USP42: variants seen among roughly 807,000 people sequenced by gnomAD.
USP42 encodes ubiquitin specific peptidase 42.
USP42 carries 23 observed loss-of-function variants against 113.0 expected under a neutral mutation model. The ratio of observed to expected loss-of-function variants is 0.20; its 90% CI spans 0.15 to 0.29. USP42 has a LOEUF of 0.29. USP42 is among the 10% of genes least tolerant of loss of function. USP42 has a pLI of 1.00. For synonymous variants in USP42, 933 were observed against 699.0 expected (o/e 1.33, Z -5.28); for missense variants, 2,174 against 1,779.8 (o/e 1.22, Z -3.99).
At chr7:6,122,601 G>T (rs1344518268) in intron 3 of USP42, among the ~76,000 whole-genome samples, 1 of 152,022 alleles carries the variant, frequency 6.6e-6, no homozygotes, top group Non-Finnish European at 1.5e-5. Context: ...CTCCTGAGTA[G>T]CTGGGATTAC....
At position 6,159,344 on chromosome 7, in the gene USP42, G is replaced by A. The variant is rs1782639650; in HGVS notation, c.3944-106G>A. 1.3e-6 allele frequency: 2 copies of A among 1,499,328 alleles called. No individual in the cohort carries two copies. The highest frequency in any genetic ancestry group is 2.4e-5 in the South Asian group (2 of 84,252). 92.9% of individuals were successfully genotyped at this position (1,499,328 alleles called of 1,614,324 possible). A position where few individuals can be genotyped will look rare whatever the true frequency, so the allele number is the denominator to read the frequency against. On this transcript the variant is annotated intron_variant, in intron 16 of 17. Coordinates refer to ENST00000306177, the MANE Select transcript of USP42 (RefSeq NM_032172.3). The surrounding 1 kb of genome is among the most constrained non-coding windows in gnomAD (Gnocchi z 4.1). ...GGGAGTGGCCTCAGGCGCTCACAGG[G>A]AACCGCAGTGACTCTGACCATAGCC...
rs775296054 is a variant in USP42 at position 6,115,542 on chromosome 7, G to C, written c.442+19G>C. 3.1e-6 allele frequency: 5 copies of C among 1,613,504 alleles called. No homozygotes were observed. The highest frequency in any genetic ancestry group is 8.5e-7 in the Non-Finnish European group (1 of 1,179,556). On this transcript the variant is annotated intron_variant, in intron 3 of 17. Coordinates refer to ENST00000306177, the MANE Select transcript of USP42 (RefSeq NM_032172.3). The stretch of plus-strand genomic sequence containing the variant: ...AAAACATGTAAGTGTTCCGTGTTGT[G>C]TTTGTAGTATTGTAGTGCGCTAACC...
At chr7:6,144,037 G>A in intron 8 of USP42, 48 bp from the exon 9 acceptor site, 1 of 1,214,266 alleles carries the variant, frequency 8.2e-7, no homozygotes, top group Non-Finnish European at 1.1e-6. Context: ...ACCACAAATT[G>A]TGTGTATATA....
the USP42 span, among the ~76,000 whole-genome samples, chr7:6,089,103 GGTGC>G: frequency 6.6e-6 from 1 of 150,582 alleles, no homozygotes; most frequent in Non-Finnish European, 1.5e-5. Context: ...GGAGTGAAGT[GGTGC>G]GATCTCTGTT....
Position 6,157,724 on chromosome 7 carries a change from G to A in USP42, c.3943+669G>A, listed in dbSNP as rs1782542458. ...GCATTCTGAGTGCACCCTGATGCTC[G>A]GTACTGATTTGCTCGCTTGGTTCCT... is the stretch of plus-strand genomic sequence containing the variant. On this transcript the variant is annotated intron_variant, in intron 16 of 17. Transcript: ENST00000306177. The surrounding 1 kb of genome is among the most constrained non-coding windows in gnomAD (Gnocchi z 4.1). 6.6e-6 allele frequency among the ~76,000 whole-genome samples: 1 copy of A among 152,198 alleles called. No individual in the cohort carries two copies. Among genetic ancestry groups the A allele is most frequent in the South Asian group, 2.1e-4 (1 of 4,824 alleles).
upstream of USP42, among the ~76,000 whole-genome samples, chr7:6,104,705 C>G (rs554690868): frequency 1.3e-5 from 2 of 152,326 alleles, no homozygotes; most frequent in Admixed American, 1.3e-4. Flanking sequence ...AGCGCGCTCC[C>G]TCTGCCGGCC....
At chr7:6,134,776 C>G (rs1232066185) in intron 3 of USP42, among the ~76,000 whole-genome samples, 1 of 152,078 alleles carries the variant, frequency 6.6e-6, no homozygotes, top group African/African-American at 2.4e-5. Context: ...AGATTATTTT[C>G]TTTTTTCTTT....
chr7:6,128,108 C>T (rs1260194044), intron 3 of USP42: 1 of 152,026 alleles, frequency 6.6e-6, no homozygotes, highest in Non-Finnish European at 1.5e-5. Context: ...CCACCATGAC[C>T]AGCTAATTTT....
At chr7:6,134,614 T>G (rs1781029051) in intron 3 of USP42, among the ~76,000 whole-genome samples, 1 of 152,174 alleles carries the variant, frequency 6.6e-6, no homozygotes, top group African/African-American at 2.4e-5. Context: ...CATTCGAGGC[T>G]GTTGAGCGGC....
Position 6,155,215 on chromosome 7 carries a change from C to T in USP42, c.3641+20C>T. 2 of 1,506,724 alleles carry T rather than the reference C, an allele frequency of 1.3e-6. No individual in the cohort carries two copies. The highest frequency in any genetic ancestry group is 1.8e-6 in the Non-Finnish European group (2 of 1,135,470). 93.3% of individuals were successfully genotyped at this position (1,506,724 alleles called of 1,614,324 possible). ...CTCCAGGTGAGCCTGGGGCCTTGTG[C>T]TCCCCGAGGCGCTGGCGCTGCTGTC... On this transcript the variant is annotated intron_variant, in intron 15 of 17. Coordinates refer to ENST00000306177, the MANE Select transcript of USP42 (RefSeq NM_032172.3).
the USP42 span, among the ~76,000 whole-genome samples, chr7:6,097,871 T>G: frequency 2.8e-4 from 42 of 148,462 alleles, no homozygotes; most frequent in African/African-American, 1.1e-3. Context: ...ACTACAGGCG[T>G]GAGCCACCGC....
upstream of USP42, among the ~76,000 whole-genome samples, chr7:6,103,956 C>A (rs563276752): frequency 1.3e-5 from 2 of 150,826 alleles, no homozygotes; most frequent in African/African-American, 2.5e-5. Flanking sequence ...TGGTAGCGCG[C>A]GTCCGTAGCC....
At chr7:6,124,880 A>G (rs1446655504) in intron 3 of USP42, among the ~76,000 whole-genome samples, 1 of 152,020 alleles carries the variant, frequency 6.6e-6, no homozygotes, top group Non-Finnish European at 1.5e-5. Flanking sequence ...TTTACCTTCA[A>G]ATAACATTCC....
chr7:6,141,399 T>A (rs1781424398), intron 7 of USP42, among the ~76,000 whole-genome samples: 1 of 151,954 alleles, frequency 6.6e-6, no homozygotes, highest in Admixed American at 6.6e-5. Context: ...GAGATGGGGT[T>A]TCACCTATCG....
At chr7:6,112,366 A>G (rs1433814521) in intron 2 of USP42, among the ~76,000 whole-genome samples, 3 of 151,978 alleles carry the variant, frequency 2.0e-5, no homozygotes, top group Admixed American at 6.6e-5. Flanking sequence ...GGAGAATCGC[A>G]TGAACCTGGG....
intron 3 of USP42, among the ~76,000 whole-genome samples, chr7:6,119,879 T>C (rs1322323826): frequency 2.0e-5 from 3 of 152,296 alleles, no homozygotes; most frequent in African/African-American, 7.2e-5. Context: ...AATTTTTTGT[T>C]TTTTTGTAGA....
the USP42 span, among the ~76,000 whole-genome samples, chr7:6,099,472 C>A: frequency 6.7e-6 from 1 of 150,164 alleles, no homozygotes; most frequent in East Asian, 1.9e-4. Context: ...CCTCGGCCTC[C>A]CAAAGTGCTG....
the USP42 span, among the ~76,000 whole-genome samples, chr7:6,097,536 T>C: frequency 2.0e-5 from 3 of 150,580 alleles, 1 homozygote; most frequent in African/African-American, 7.5e-5. Context: ...TCTCCCAAAG[T>C]GTTGTGATTA....
chr7:6,156,547 T>G (rs1782454298), intron 15 of USP42, among the ~76,000 whole-genome samples: 1 of 152,156 alleles, frequency 6.6e-6, no homozygotes, highest in African/African-American at 2.4e-5. Context: ...TCTCCTGGGC[T>G]CAAGTGATCC....
Sources: gnomAD v4.1 joint callset for allele counts (sites outside exome capture counted in the v4.1 genomes callset) on GRCh38, gnomAD v4.1.1 for gene constraint, Gnocchi (gnomAD v3.1) non-coding constraint, MANE v1.5 for transcripts, NCBI Gene and HGNC (gene_info 2026-07-23, HGNC 2026-07-21) for gene names.